KCNIP4: variants seen among roughly 807,000 people sequenced by gnomAD.
The protein encoded by KCNIP4 is Kv channel-interacting protein 4.
A neutral mutation model predicts 34.0 loss-of-function variants in KCNIP4; 12 were observed. That is an observed-to-expected ratio of 0.35 (90% CI 0.23 to 0.57). The LOEUF is 0.57. Ranked by LOEUF, KCNIP4 falls within the 20% of genes least tolerant of loss-of-function variation. The pLI is 0.83. For synonymous variants in KCNIP4, 124 were observed against 102.2 expected (o/e 1.21, Z -1.29); for missense variants, 238 against 311.7 (o/e 0.76, Z 1.78).
rs150255299 is a variant in KCNIP4, at chr4:21,246,701, T to C, written c.62-363992A>G. 4.6e-5 allele frequency among the ~76,000 whole-genome samples: 7 copies of C among 152,238 alleles called. No homozygotes were observed. In the East Asian group the frequency reaches 1.4e-3, roughly 29 times the overall value. On this transcript the variant is annotated intron_variant, in intron 1 of 8. Transcript: ENST00000382152. ...TTCCATTGTCACAAAATAAAGATGC[T>C]GGGCCCACAGATGTAAGGTAACAGA...
At chr4:20,802,247 T>C (rs200178653) in intron 3 of KCNIP4, among the ~76,000 whole-genome samples, 45,242 of 122,982 alleles carry the variant, frequency 0.37, 11,290 homozygotes, top group East Asian at 0.52. Flanking sequence ...ATATGCTATA[T>C]ATATGCTACA....
chr4:20,739,493 G>A (rs935859149), intron 5 of KCNIP4, among the ~76,000 whole-genome samples: 1 of 152,180 alleles, frequency 6.6e-6, no homozygotes, highest in African/African-American at 2.4e-5. Flanking sequence ...CAGACCTGCA[G>A]CTGAGGGTCC....
intron 1 of KCNIP4, among the ~76,000 whole-genome samples, chr4:21,405,583 G>A (rs1334363983): frequency 1.3e-5 from 2 of 152,166 alleles, no homozygotes; most frequent in Non-Finnish European, 2.9e-5. Flanking sequence ...TCAGCAACTT[G>A]CTTTTCCTCT....
At chr4:20,756,256 G>A (rs1383985085) in intron 4 of KCNIP4, among the ~76,000 whole-genome samples, 2 of 151,736 alleles carry the variant, frequency 1.3e-5, no homozygotes, top group Non-Finnish European at 2.9e-5. Flanking sequence ...CCCCTATATT[G>A]AGTAGATGTC....
chr4:21,438,834 C>T (rs946954700), intron 1 of KCNIP4, among the ~76,000 whole-genome samples: 1 of 151,908 alleles, frequency 6.6e-6, no homozygotes, highest in Admixed American at 6.6e-5. Context: ...AGGGGTACAG[C>T]CAAGTTATAT....
chr4:21,528,776 A>G (rs866319727), intron 1 of KCNIP4, among the ~76,000 whole-genome samples: 20 of 13,882 alleles, frequency 1.4e-3, no homozygotes, highest in East Asian at 2.7e-3. Flanking sequence ...AGAAAGAAAG[A>G]AAGGAAGAAA....
At chr4:21,078,439 A>T (rs1249928000) in intron 1 of KCNIP4, among the ~76,000 whole-genome samples, 1 of 152,012 alleles carries the variant, frequency 6.6e-6, no homozygotes, top group Non-Finnish European at 1.5e-5. Context: ...GGTTGCAGGC[A>T]GCTGCCTTCT....
At chr4:20,830,921 G>A (rs1381296796) in intron 3 of KCNIP4, among the ~76,000 whole-genome samples, 1 of 152,122 alleles carries the variant, frequency 6.6e-6, no homozygotes, top group Non-Finnish European at 1.5e-5. Context: ...GAATTGAGAG[G>A]CAGACAACAG....
At chr4:21,933,380 G>T (rs907264815) in intron 1 of KCNIP4, among the ~76,000 whole-genome samples, 8 of 151,964 alleles carry the variant, frequency 5.3e-5, no homozygotes, top group African/African-American at 1.9e-4. Flanking sequence ...GGATGGGAAG[G>T]ACCTCCTCAT....
intron 1 of KCNIP4, among the ~76,000 whole-genome samples, chr4:21,584,432 T>G (rs1167208394): frequency 6.6e-6 from 1 of 152,114 alleles, no homozygotes; most frequent in African/African-American, 2.4e-5. Context: ...AACAGAATCA[T>G]TCTTCGAAAA....
At chr4:21,008,308 G>A (rs1738747962) in intron 1 of KCNIP4, among the ~76,000 whole-genome samples, 1 of 152,118 alleles carries the variant, frequency 6.6e-6, no homozygotes, top group South Asian at 2.1e-4. Context: ...TTGTTCTCTA[G>A]TTGGTTTGTA....
intron 1 of KCNIP4, among the ~76,000 whole-genome samples, chr4:21,569,234 TAAAAAAAAAAAAAAAA>T (rs71191521): frequency 1.2e-4 from 3 of 25,186 alleles, no homozygotes; most frequent in East Asian, 1.4e-3. Flanking sequence ...ACTGATATTC[TAAAAAAAAAAAAAAAA>T]AAAAAAAAAA....
chr4:20,771,113 G>C (rs1429991206), intron 3 of KCNIP4, among the ~76,000 whole-genome samples: 1 of 152,096 alleles, frequency 6.6e-6, no homozygotes, highest in Non-Finnish European at 1.5e-5. Flanking sequence ...AGTATCCCCA[G>C]ATTTTGGTAT....
At chr4:21,684,355 T>A (rs1292160216) in intron 1 of KCNIP4, among the ~76,000 whole-genome samples, 1 of 152,206 alleles carries the variant, frequency 6.6e-6, no homozygotes, top group African/African-American at 2.4e-5. Context: ...ATTTTAAAAT[T>A]CATATTTCAT....
chr4:21,109,306 C>A (rs1416188388), intron 1 of KCNIP4, among the ~76,000 whole-genome samples: 12 of 152,238 alleles, frequency 7.9e-5, no homozygotes, highest in Non-Finnish European at 1.2e-4. Flanking sequence ...TAGGCAATGG[C>A]AGGCGCCCCT....
At chr4:21,803,157 C>T (rs1315802958) in intron 1 of KCNIP4, among the ~76,000 whole-genome samples, 1 of 152,144 alleles carries the variant, frequency 6.6e-6, no homozygotes, top group East Asian at 1.9e-4. Context: ...AGGTAGTAAA[C>T]GTGCCATGCA....
chr4:21,070,342 A>G (rs1744778243), intron 1 of KCNIP4, among the ~76,000 whole-genome samples: 1 of 152,130 alleles, frequency 6.6e-6, no homozygotes, highest in Non-Finnish European at 1.5e-5. Flanking sequence ...TCTGGGATAA[A>G]TGCACAGAGT....
At chr4:21,582,868 T>C (rs1741339128) in intron 1 of KCNIP4, among the ~76,000 whole-genome samples, 2 of 151,890 alleles carry the variant, frequency 1.3e-5, no homozygotes, top group Non-Finnish European at 2.9e-5. Flanking sequence ...AGTAGTCTTT[T>C]GGGAAGAATG....
At chr4:20,922,547 G>A (rs4696969) in intron 1 of KCNIP4, among the ~76,000 whole-genome samples, 6,954 of 129,428 alleles carry the variant, frequency 0.054, 194 homozygotes, top group Middle Eastern at 0.13. Flanking sequence ...CTGTCTGTCT[G>A]TCTATCTATC....
Sources: gnomAD v4.1 joint callset for allele counts (sites outside exome capture counted in the v4.1 genomes callset) on GRCh38, gnomAD v4.1.1 for gene constraint, MANE v1.5 for transcripts, NCBI Gene and HGNC (gene_info 2026-07-23, HGNC 2026-07-21) for gene names.